GRIK2: variants seen among roughly 807,000 people sequenced by gnomAD.
GRIK2 encodes glutamate ionotropic receptor kainate type subunit 2.
In GRIK2, 32 loss-of-function variants were observed where a neutral mutation model predicts 100.3. That is an observed-to-expected ratio of 0.32 (90% CI 0.24 to 0.43). The LOEUF (loss-of-function observed/expected upper bound fraction) is 0.43, where lower values mean the gene tolerates loss of function less well. GRIK2 is among the 20% of genes least tolerant of loss of function. The probability of loss-of-function intolerance (pLI) is 1.00; values close to 1 mark genes in which losing one functional copy is unlikely to be tolerated. For synonymous variants in GRIK2, 417 were observed against 389.4 expected (o/e 1.07, Z -0.83); for missense variants, 843 against 1,114.9 (o/e 0.76, Z 3.47).
chr6:101,453,633 A>C (rs1234922072), intron 2 of GRIK2, among the ~76,000 whole-genome samples: 1 of 151,962 alleles, frequency 6.6e-6, no homozygotes, highest in Non-Finnish European at 1.5e-5. Context: ...GTAGTGATAC[A>C]TTTAAATTCT....
intron 7 of GRIK2, among the ~76,000 whole-genome samples, chr6:101,794,753 A>G (rs1780170667): frequency 6.6e-6 from 1 of 151,668 alleles, no homozygotes; most frequent in Non-Finnish European, 1.5e-5. Context: ...ATTTTGCTGA[A>G]TAATTATTGT....
intron 5 of GRIK2, among the ~76,000 whole-genome samples, chr6:101,681,529 C>CTAATTTATCA (rs1466917642): frequency 3.3e-5 from 5 of 151,670 alleles, no homozygotes; most frequent in African/African-American, 1.2e-4. Context: ...GACACTGCAC[C>CTAATTTATCA]CAGCCAGCAT....
At chr6:101,944,743 AT>A in intron 14 of GRIK2, among the ~76,000 whole-genome samples, 1 of 152,234 alleles carries the variant, frequency 6.6e-6, no homozygotes, top group South Asian at 2.1e-4. Flanking sequence ...GGAAATTATC[AT>A]AATAAAGGTC....
intron 12 of GRIK2, among the ~76,000 whole-genome samples, chr6:101,910,839 C>CCACACA (rs142489212): frequency 0.031 from 4,437 of 143,326 alleles, 107 homozygotes; most frequent in Admixed American, 0.07. Flanking sequence ...CCAACATACA[C>CCACACA]CACACACACA....
intron 2 of GRIK2, among the ~76,000 whole-genome samples, chr6:101,450,581 T>C (rs921099623): frequency 6.6e-6 from 1 of 151,656 alleles, no homozygotes; most frequent in South Asian, 2.1e-4. Context: ...AGAGAACATG[T>C]ATTTTGCAAG....
chr6:101,773,883 A>G (rs1226739550), intron 7 of GRIK2, among the ~76,000 whole-genome samples: 2 of 152,182 alleles, frequency 1.3e-5, no homozygotes, highest in Non-Finnish European at 2.9e-5. Context: ...GTACTTTTTC[A>G]AAATTTTATG....
At chr6:101,838,101 T>C (rs937013939) in intron 10 of GRIK2, among the ~76,000 whole-genome samples, 1 of 152,156 alleles carries the variant, frequency 6.6e-6, no homozygotes, top group Non-Finnish European at 1.5e-5. Context: ...GAGAAGAATA[T>C]GAACAAACAG....
intron 2 of GRIK2, among the ~76,000 whole-genome samples, chr6:101,497,393 T>C (rs1021688139): frequency 6.6e-6 from 1 of 152,184 alleles, no homozygotes; most frequent in African/African-American, 2.4e-5. Context: ...AATATTTTGT[T>C]GATTTAATGC....
chr6:101,717,859 G>A (rs1774178254), intron 7 of GRIK2, among the ~76,000 whole-genome samples: 1 of 151,734 alleles, frequency 6.6e-6, no homozygotes, highest in Admixed American at 6.6e-5. Flanking sequence ...AAGCAGTTTA[G>A]TTGTATGTGC....
At chr6:101,608,099 A>AT (rs34909242) in intron 2 of GRIK2, among the ~76,000 whole-genome samples, 1 of 151,810 alleles carries the variant, frequency 6.6e-6, no homozygotes. Context: ...TAATGTAGCA[A>AT]TTTTTTTCAA....
rs7753141 is a variant in GRIK2 at position 101,811,898 on chromosome 6, A to G, written c.1204-6472A>G. 3.9e-3 allele frequency among the ~76,000 whole-genome samples: 589 copies of G among 151,876 alleles called. 4 individuals carry two copies. The highest frequency in any genetic ancestry group is 0.013 in the African/African-American group (553 of 41,546). ...GATAAATAATTTAAAAATTATTCTG[A>G]AAACTGTTGTTTTCTACCTAGAAAA... On this transcript the variant is annotated intron_variant, in intron 9 of 16. Transcript: ENST00000369134.
chr6:101,733,609 T>C (rs1294649626), intron 7 of GRIK2, among the ~76,000 whole-genome samples: 2 of 151,648 alleles, frequency 1.3e-5, no homozygotes, highest in Non-Finnish European at 2.9e-5. Context: ...AGAACAAGCT[T>C]TCTCTCTCTC....
intron 10 of GRIK2, among the ~76,000 whole-genome samples, chr6:101,843,229 T>C (rs1467959885): frequency 1.3e-5 from 2 of 152,220 alleles, no homozygotes; most frequent in Admixed American, 6.5e-5. Flanking sequence ...CTAAGCAGGA[T>C]ATGAATTCAA....
At chr6:101,709,683 A>T (rs1269501771) in intron 7 of GRIK2, among the ~76,000 whole-genome samples, 1 of 151,878 alleles carries the variant, frequency 6.6e-6, no homozygotes. Context: ...CTTCCATTAA[A>T]GAAATAGATA....
At chr6:101,769,459 T>A (rs1778262480) in intron 7 of GRIK2, among the ~76,000 whole-genome samples, 1 of 152,090 alleles carries the variant, frequency 6.6e-6, no homozygotes, top group East Asian at 1.9e-4. Flanking sequence ...ACCCTGGAAA[T>A]ACAGAAGTCT....
intron 2 of GRIK2, among the ~76,000 whole-genome samples, chr6:101,440,682 T>C (rs1769994225): frequency 1.3e-5 from 2 of 152,080 alleles, no homozygotes; most frequent in Non-Finnish European, 2.9e-5. Context: ...AATAATAAAA[T>C]TGATGAATGG....
chr6:101,718,457 T>G (rs987887249), intron 7 of GRIK2, among the ~76,000 whole-genome samples: 4 of 151,940 alleles, frequency 2.6e-5, no homozygotes, highest in African/African-American at 9.7e-5. Flanking sequence ...TTTTTACTGT[T>G]ACTGAATACT....
chr6:101,968,456 A>G (rs540857170), intron 14 of GRIK2, among the ~76,000 whole-genome samples: 1 of 152,220 alleles, frequency 6.6e-6, no homozygotes, highest in South Asian at 2.1e-4. Flanking sequence ...TTCTACTCCT[A>G]CAAAATTGCT....
rs1157932624 is a variant in GRIK2 at position 101,673,907 on chromosome 6, C to G, written c.542-2716C>G. 2.0e-5 allele frequency among the ~76,000 whole-genome samples: 3 copies of G among 152,182 alleles called. No homozygotes were observed. In the East Asian group the frequency reaches 5.8e-4, roughly 29 times the overall value. The stretch of plus-strand genomic sequence containing the variant: ...AATGGGCAAATGACATGAAAAGACA[C>G]TTCTCAGAATTGTTCTACCCAATGT... On this transcript the variant is annotated intron_variant, in intron 4 of 16. Coordinates refer to ENST00000369134, the MANE Select transcript of GRIK2 (RefSeq NM_021956.5).
Sources: allele counts gnomAD v4.1 joint callset (sites outside exome capture counted in the v4.1 genomes callset), GRCh38; gene constraint gnomAD v4.1.1; transcripts MANE v1.5; gene names NCBI Gene and HGNC (gene_info 2026-07-23, HGNC 2026-07-21).